Variants in SRFBP1 observed in about 807,000 individuals in gnomAD.
SRFBP1 encodes the protein serum response factor-binding protein 1.
A neutral mutation model predicts 45.5 loss-of-function variants in SRFBP1; 47 were observed. The ratio of observed to expected loss-of-function variants is 1.03; its 90% CI spans 0.82 to 1.32. SRFBP1 has a LOEUF of 1.32. Ranked by LOEUF, SRFBP1 falls within the 40% of genes most tolerant of loss-of-function variation. The pLI, the probability that SRFBP1 is intolerant of heterozygous loss-of-function variation, is 0.00. For synonymous variants in SRFBP1, 203 were observed against 166.3 expected (o/e 1.22, Z -1.70); for missense variants, 621 against 484.6 (o/e 1.28, Z -2.64).
chr5:122,077,036 A>G (rs769801089), downstream of SRFBP1: 2 of 1,607,898 alleles, frequency 1.2e-6, no homozygotes, highest in South Asian at 2.2e-5. This position sits in a 1 kb window ranked among gnomAD's most constrained non-coding sequence, Gnocchi z 4.9. Flanking sequence ...CAGCAGTGAA[A>G]CAACCCGGCG....
At chr5:121,986,502 T>C (rs1177091834) in intron 3 of SRFBP1, among the ~76,000 whole-genome samples, 6 of 152,098 alleles carry the variant, frequency 3.9e-5, no homozygotes, top group Non-Finnish European at 4.4e-5. Flanking sequence ...CCAGCATGTT[T>C]ATTAATAGGG....
chr5:121,985,480 G>T (rs1022145996), intron 3 of SRFBP1, among the ~76,000 whole-genome samples: 1 of 151,740 alleles, frequency 6.6e-6, no homozygotes, highest in African/African-American at 2.4e-5. Context: ...GGTCAAGAGA[G>T]ATTAACTGGT....
downstream of SRFBP1, among the ~76,000 whole-genome samples, chr5:122,032,023 G>C (rs983738270): frequency 1.3e-5 from 2 of 152,182 alleles, no homozygotes; most frequent in African/African-American, 4.8e-5. Context: ...CTTTTAGAAA[G>C]ATGAATGTAT....
At chr5:122,074,585 T>A (rs1179400749) in intron 2 of SRFBP1, among the ~76,000 whole-genome samples, 1 of 152,192 alleles carries the variant, frequency 6.6e-6, no homozygotes, top group Non-Finnish European at 1.5e-5. Flanking sequence ...TTTTAAAAAA[T>A]TGAGTTCTCA....
chr5:121,986,111 A>C (rs1752512493), intron 3 of SRFBP1, among the ~76,000 whole-genome samples: 1 of 152,014 alleles, frequency 6.6e-6, no homozygotes, highest in Non-Finnish European at 1.5e-5. Flanking sequence ...GTCCATTCTT[A>C]AGTTAGAAGA....
chr5:122,050,573 G>T (rs1753956990), intron 2 of SRFBP1, among the ~76,000 whole-genome samples: 2 of 152,052 alleles, frequency 1.3e-5, no homozygotes, highest in African/African-American at 2.4e-5. Flanking sequence ...TTGTTTGTTT[G>T]TTTGTATTTC....
intron 2 of SRFBP1, among the ~76,000 whole-genome samples, chr5:122,068,257 C>A (rs1754353916): frequency 6.7e-6 from 1 of 150,260 alleles, no homozygotes; most frequent in Admixed American, 6.6e-5. Context: ...ATTGCTGGAG[C>A]AATACAACAA....
At chr5:122,044,570 G>A (rs1753824857) in intron 2 of SRFBP1, among the ~76,000 whole-genome samples, 1 of 151,588 alleles carries the variant, frequency 6.6e-6, no homozygotes, top group Non-Finnish European at 1.5e-5. Flanking sequence ...AGATGGTATT[G>A]CATTGTGGTT....
intron 2 of SRFBP1, among the ~76,000 whole-genome samples, chr5:122,056,625 A>G (rs1754085879): frequency 6.6e-6 from 1 of 152,166 alleles, no homozygotes; most frequent in South Asian, 2.1e-4. Context: ...CATGTGTGGG[A>G]TATGTCTTCC....
intron 4 of SRFBP1, among the ~76,000 whole-genome samples, chr5:122,014,819 T>G (rs1253664899): frequency 6.6e-6 from 1 of 152,176 alleles, no homozygotes; most frequent in Non-Finnish European, 1.5e-5. Flanking sequence ...TTCTAAAACT[T>G]GTTATAACTA....
intron 2 of SRFBP1, among the ~76,000 whole-genome samples, chr5:122,052,750 A>G (rs764150318): frequency 6.6e-6 from 1 of 152,110 alleles, no homozygotes; most frequent in Non-Finnish European, 1.5e-5. Context: ...AATTTCTGCC[A>G]TTTCAGTAAT....
chr5:122,075,008 C>A (rs981673901), intron 2 of SRFBP1, among the ~76,000 whole-genome samples: 1 of 152,200 alleles, frequency 6.6e-6, no homozygotes, highest in Non-Finnish European at 1.5e-5. Context: ...GATGTATCAT[C>A]TACATCTTTC....
chr5:122,004,249 T>G (rs1047147215), intron 4 of SRFBP1, among the ~76,000 whole-genome samples: 1 of 152,224 alleles, frequency 6.6e-6, no homozygotes, highest in African/African-American at 2.4e-5. Context: ...CTCTAGCAGT[T>G]TTACAGTTTC....
At chr5:121,979,689 A>G (rs1580503729) in intron 3 of SRFBP1, among the ~76,000 whole-genome samples, 1 of 152,146 alleles carries the variant, frequency 6.6e-6, no homozygotes, top group East Asian at 1.9e-4. Flanking sequence ...GGGACAGGAG[A>G]AGCAAGGAGA....
downstream of SRFBP1, chr5:122,077,341 T>A: frequency 6.2e-7 from 1 of 1,613,624 alleles, no homozygotes; most frequent in East Asian, 2.2e-5. The surrounding 1 kb of genome is among the most constrained non-coding windows in gnomAD (Gnocchi z 4.9). Context: ...TCCAGCGGAC[T>A]TGGGGGTACT....
intron 4 of SRFBP1, among the ~76,000 whole-genome samples, chr5:121,997,917 G>T (rs912042247): frequency 1.3e-5 from 2 of 149,592 alleles, no homozygotes; most frequent in African/African-American, 4.9e-5. Flanking sequence ...ATGAAAAAAT[G>T]CTCATCATCA....
intron 2 of SRFBP1, among the ~76,000 whole-genome samples, chr5:122,044,254 G>A (rs1413731477): frequency 4.6e-5 from 7 of 152,144 alleles, no homozygotes; most frequent in African/African-American, 1.4e-4. Context: ...TCTAACATTG[G>A]TGATCATTTA....
At chr5:122,067,345 G>T (rs1236135237) in intron 2 of SRFBP1, among the ~76,000 whole-genome samples, 2 of 152,000 alleles carry the variant, frequency 1.3e-5, no homozygotes, top group Non-Finnish European at 2.9e-5. Flanking sequence ...ACTGAAAGAA[G>T]CCTCAGAGTC....
intron 4 of SRFBP1, among the ~76,000 whole-genome samples, chr5:122,012,980 A>G (rs969385268): frequency 6.6e-6 from 1 of 152,046 alleles, no homozygotes; most frequent in African/African-American, 2.4e-5. Context: ...CCTTCTCCCT[A>G]GCTTTGTGAC....
Sources: gnomAD v4.1 joint callset for allele counts (sites outside exome capture counted in the v4.1 genomes callset) on GRCh38, gnomAD v4.1.1 for gene constraint, Gnocchi (gnomAD v3.1) non-coding constraint, MANE v1.5 for transcripts, NCBI Gene and HGNC (gene_info 2026-07-23, HGNC 2026-07-21) for gene names.